The following FARSB variants were observed in gnomAD, a reference collection of about 807,000 sequenced individuals.
The protein encoded by FARSB is phenylalanyl-tRNA synthetase subunit beta.
Under a neutral mutation model 69.6 loss-of-function variants are expected in FARSB, and 40 were observed. The observed-to-expected ratio is 0.57, with a 90% confidence interval of 0.45 to 0.75. The LOEUF (loss-of-function observed/expected upper bound fraction) is 0.75. Among genes scored for constraint, FARSB ranks in the 30% least tolerant of loss-of-function variants. FARSB has a pLI of 0.00. For synonymous variants in FARSB, 235 were observed against 247.2 expected, an observed-to-expected ratio of 0.95 and a Z score of 0.46; for missense variants, 632 against 722.9, an observed-to-expected ratio of 0.87 and a Z score of 1.44.
chr2:222,628,967 C>A (rs971414478), intron 9 of FARSB, 79 bp from the exon 10 acceptor site: 15 of 1,006,008 alleles, frequency 1.5e-5, no homozygotes, highest in African/African-American at 3.2e-5. Flanking sequence ...GTTATCAAAT[C>A]TTTCATTTGG....
At chr2:222,651,451 A>T (rs1183442817) in intron 1 of FARSB, among the ~76,000 whole-genome samples, 2 of 152,260 alleles carry the variant, frequency 1.3e-5, no homozygotes, top group African/African-American at 4.8e-5. Context: ...GACCAAATCC[A>T]AGGCACTGCC....
At chr2:222,648,678 A>G in intron 2 of FARSB, 62 bp downstream of exon 2, 1 of 994,066 alleles carries the variant, frequency 1.0e-6, no homozygotes. Flanking sequence ...AATACAGTAT[A>G]ACCCTGAAAA....
At chr2:222,578,990 A>ATTTCT (rs1689904113) in intron 16 of FARSB, among the ~76,000 whole-genome samples, 1 of 152,190 alleles carries the variant, frequency 6.6e-6, no homozygotes, top group East Asian at 1.9e-4. Context: ...TCAAAAACAA[A>ATTTCT]GAAAAGAAAA....
At chr2:222,607,489 G>A (rs1690732516) in intron 15 of FARSB, among the ~76,000 whole-genome samples, 1 of 152,044 alleles carries the variant, frequency 6.6e-6, no homozygotes, top group Non-Finnish European at 1.5e-5. Flanking sequence ...GAAACAAGGT[G>A]CAGAACAAGA....
At chr2:222,604,324 C>A (rs1340411558) in intron 15 of FARSB, among the ~76,000 whole-genome samples, 4 of 151,694 alleles carry the variant, frequency 2.6e-5, no homozygotes, top group Non-Finnish European at 5.9e-5. Context: ...ATTTAAGCAA[C>A]TGAAATAAAT....
At chr2:222,645,360 T>C (rs1219055886) in intron 2 of FARSB, among the ~76,000 whole-genome samples, 1 of 152,196 alleles carries the variant, frequency 6.6e-6, no homozygotes, top group African/African-American at 2.4e-5. Flanking sequence ...AAATTACGAA[T>C]AGCAACTTAT....
intron 3 of FARSB, among the ~76,000 whole-genome samples, chr2:222,642,036 T>C (rs1223498158): frequency 6.6e-6 from 1 of 151,464 alleles, no homozygotes; most frequent in African/African-American, 2.4e-5. Context: ...AGTCTCCCTC[T>C]GCTGCCCAGG....
At chr2:222,648,924 A>G (rs1199997438) in intron 1 of FARSB, 129 bp from the exon 2 acceptor site, 5 of 720,012 alleles carry the variant, frequency 6.9e-6, no homozygotes, top group African/African-American at 1.8e-5. Flanking sequence ...GGCATCACAT[A>G]TTATCATTTA....
intron 2 of FARSB, among the ~76,000 whole-genome samples, chr2:222,645,758 T>C (rs762064900): frequency 4.6e-5 from 7 of 152,156 alleles, no homozygotes; most frequent in Non-Finnish European, 7.4e-5. Context: ...ATTGACCCCA[T>C]AATTTATTAT....
At chr2:222,577,308 T>G (rs1336433678) in intron 16 of FARSB, among the ~76,000 whole-genome samples, 1 of 152,196 alleles carries the variant, frequency 6.6e-6, no homozygotes, top group Non-Finnish European at 1.5e-5. Context: ...GTGAAATATT[T>G]ATGGTACCTA....
At chr2:222,575,140 C>T (rs1478539502) in intron 16 of FARSB, among the ~76,000 whole-genome samples, 1 of 152,210 alleles carries the variant, frequency 6.6e-6, no homozygotes, top group Non-Finnish European at 1.5e-5. Flanking sequence ...GCATCTCTCT[C>T]CACTGTTGGC....
At chr2:222,585,857 G>C (rs1269705691) in intron 16 of FARSB, among the ~76,000 whole-genome samples, 1 of 152,154 alleles carries the variant, frequency 6.6e-6, no homozygotes, top group Non-Finnish European at 1.5e-5. Flanking sequence ...AGAAATATGG[G>C]ACTATGTGAA....
intron 15 of FARSB, among the ~76,000 whole-genome samples, chr2:222,607,547 A>G (rs570454818): frequency 6.0e-4 from 92 of 152,198 alleles, no homozygotes; most frequent in Non-Finnish European, 1.0e-3. Context: ...GTATTTATCC[A>G]TTATCTATGG....
chr2:222,611,052 C>T (rs1308822291), intron 15 of FARSB, among the ~76,000 whole-genome samples: 2 of 152,106 alleles, frequency 1.3e-5, no homozygotes, highest in Non-Finnish European at 2.9e-5. Context: ...TGTTATGAAA[C>T]AAAATCCAGG....
chr2:222,586,696 A>C (rs150343813), intron 16 of FARSB, among the ~76,000 whole-genome samples: 1 of 152,208 alleles, frequency 6.6e-6, no homozygotes, highest in Non-Finnish European at 1.5e-5. Flanking sequence ...AAAAAAAAGC[A>C]GGTTTTGCAA....
intron 2 of FARSB, among the ~76,000 whole-genome samples, chr2:222,645,669 T>C (rs906680178): frequency 2.0e-5 from 3 of 151,854 alleles, no homozygotes; most frequent in South Asian, 2.1e-4. Flanking sequence ...ACAAAAGTAA[T>C]AGATTTTCTT....
At chr2:222,576,387 G>C (rs1049970038) in intron 16 of FARSB, among the ~76,000 whole-genome samples, 3 of 151,996 alleles carry the variant, frequency 2.0e-5, no homozygotes, top group African/African-American at 7.2e-5. Context: ...AATATAAAGG[G>C]GGGGGCAGGG....
chr2:222,635,850 C>T (rs139812749), intron 5 of FARSB, among the ~76,000 whole-genome samples: 2,930 of 152,292 alleles, frequency 0.019, 54 homozygotes, highest in Non-Finnish European at 0.03. Flanking sequence ...GAGGCCAAGG[C>T]AGCAAGACTG....
chr2:222,605,424 T>A (rs944848001), intron 15 of FARSB, among the ~76,000 whole-genome samples: 1 of 152,156 alleles, frequency 6.6e-6, no homozygotes, highest in East Asian at 1.9e-4. Context: ...ATACTACCAT[T>A]AAGAGAGAGC....
Sources: gnomAD v4.1 joint callset for allele counts (sites outside exome capture counted in the v4.1 genomes callset) on GRCh38, gnomAD v4.1.1 for gene constraint, MANE v1.5 for transcripts, NCBI Gene and HGNC (gene_info 2026-07-23, HGNC 2026-07-21) for gene names.